The following EVA1A variants were observed in gnomAD, a reference collection of about 807,000 sequenced individuals.
EVA1A encodes the protein protein eva-1 homolog A.
A neutral mutation model predicts 9.8 loss-of-function variants in EVA1A; 7 were observed. The observed-to-expected ratio is 0.71, with a 90% CI of 0.41 to 1.34. EVA1A has a LOEUF of 1.34. EVA1A is among the 40% of genes most tolerant of loss of function. EVA1A has a pLI of 0.01. For synonymous variants in EVA1A, 90 were observed against 85.6 expected (o/e 1.05, Z -0.28); for missense variants, 206 against 205.9 (o/e 1.00, Z 0.00).
At chr2:75,525,363 T>C (rs576658808) in intron 1 of EVA1A, among the ~76,000 whole-genome samples, 1 of 152,318 alleles carries the variant, frequency 6.6e-6, no homozygotes, top group Non-Finnish European at 1.5e-5. Flanking sequence ...TACATCTTCA[T>C]AGGAACTTAT....
intron 1 of EVA1A, among the ~76,000 whole-genome samples, chr2:75,531,216 C>T (rs1220762314): frequency 6.6e-6 from 1 of 152,200 alleles, no homozygotes; most frequent in Non-Finnish European, 1.5e-5. Context: ...CACCTTACTC[C>T]TGCAAGAATA....
At position 75,559,071 on chromosome 2, in the gene EVA1A, T is replaced by C. The variant is rs76880670; in HGVS notation, c.-192+1609A>G. On this transcript the variant is annotated intron_variant, in intron 1 of 3. Transcript: ENST00000393913. ...ATAAAAGGATGAGAGCTGGAAATAA[T>C]GGCACTCTTCATGAAGTGAAACATT... Among the ~76,000 whole-genome samples, 22 of 152,298 alleles carry C rather than the reference T, an allele frequency of 1.4e-4. No individual in the cohort carries two copies. In the East Asian group the frequency reaches 3.7e-3, roughly 25 times the overall value.
intron 1 of EVA1A, among the ~76,000 whole-genome samples, chr2:75,538,557 G>A (rs886324355): frequency 1.3e-5 from 2 of 152,172 alleles, no homozygotes; most frequent in Non-Finnish European, 2.9e-5. Flanking sequence ...TATAGCAGCT[G>A]TATTTGCAAT....
intron 1 of EVA1A, among the ~76,000 whole-genome samples, chr2:75,537,431 C>G (rs1393705588): frequency 6.6e-6 from 1 of 152,168 alleles, no homozygotes; most frequent in Non-Finnish European, 1.5e-5. Context: ...CCTCCCCACT[C>G]TTAAATCAAC....
intron 3 of EVA1A, among the ~76,000 whole-genome samples, chr2:75,496,576 G>A (rs1408998312): frequency 6.6e-6 from 1 of 152,092 alleles, no homozygotes; most frequent in Non-Finnish European, 1.5e-5. Context: ...TGGATTGGAA[G>A]AATCAACATT....
chr2:75,539,695 A>T (rs563337287), intron 1 of EVA1A, among the ~76,000 whole-genome samples: 9 of 152,352 alleles, frequency 5.9e-5, no homozygotes, highest in African/African-American at 2.2e-4. Context: ...ATAACCTTGC[A>T]TACTTACTAA....
chr2:75,527,584 T>C (rs1409828551), intron 1 of EVA1A, among the ~76,000 whole-genome samples: 1 of 152,150 alleles, frequency 6.6e-6, no homozygotes, highest in Admixed American at 6.5e-5. Context: ...CCTAAGATGA[T>C]AGGGATAATA....
At chr2:75,544,403 G>C (rs1676251481) in intron 1 of EVA1A, among the ~76,000 whole-genome samples, 2 of 152,158 alleles carry the variant, frequency 1.3e-5, no homozygotes. Context: ...ATTATTATTA[G>C]TATTATTAGC....
chr2:75,539,202 G>A (rs1328403434), intron 1 of EVA1A, among the ~76,000 whole-genome samples: 1 of 152,086 alleles, frequency 6.6e-6, no homozygotes, highest in Non-Finnish European at 1.5e-5. Flanking sequence ...TTTCTCATGA[G>A]GAACAGCTGA....
intron 1 of EVA1A, among the ~76,000 whole-genome samples, chr2:75,559,447 C>T (rs1400346806): frequency 2.0e-5 from 3 of 152,188 alleles, no homozygotes; most frequent in Non-Finnish European, 4.4e-5. Context: ...AGGGCCCGGG[C>T]TCTTAGCCAC....
At chr2:75,527,816 G>C (rs889941510) in intron 1 of EVA1A, among the ~76,000 whole-genome samples, 2 of 152,148 alleles carry the variant, frequency 1.3e-5, no homozygotes, top group African/African-American at 4.8e-5. Flanking sequence ...TTTGCTCCAA[G>C]AACCACCACA....
intron 1 of EVA1A, among the ~76,000 whole-genome samples, chr2:75,523,716 C>T (rs187380435): frequency 2.0e-5 from 3 of 152,272 alleles, no homozygotes; most frequent in Middle Eastern, 3.4e-3. Context: ...TTGTGAACTC[C>T]GTAAGGGCAG....
intron 1 of EVA1A, among the ~76,000 whole-genome samples, chr2:75,546,639 C>T (rs1025630508): frequency 6.6e-6 from 1 of 152,120 alleles, no homozygotes; most frequent in Admixed American, 6.5e-5. Flanking sequence ...TCAGAGGAAG[C>T]TCCTGAATTC....
intron 3 of EVA1A, among the ~76,000 whole-genome samples, chr2:75,505,123 G>A (rs1216811750): frequency 6.6e-6 from 1 of 152,110 alleles, no homozygotes; most frequent in African/African-American, 2.4e-5. Context: ...AGAACTCAAC[G>A]GACTAGGCAG....
At chr2:75,521,700 C>G (rs1441585011) in intron 2 of EVA1A, among the ~76,000 whole-genome samples, 4 of 152,070 alleles carry the variant, frequency 2.6e-5, no homozygotes, top group Non-Finnish European at 5.9e-5. Context: ...GTACAGGGTA[C>G]AAAGTTTCTG....
chr2:75,564,482 T>C (rs1676989060), upstream of EVA1A, among the ~76,000 whole-genome samples: 1 of 152,222 alleles, frequency 6.6e-6, no homozygotes, highest in Admixed American at 6.5e-5. Context: ...CCCATGGCGC[T>C]GGTGGTCAGA....
intron 1 of EVA1A, among the ~76,000 whole-genome samples, chr2:75,567,993 C>T (rs1179702172): frequency 1.3e-5 from 2 of 152,178 alleles, no homozygotes; most frequent in Non-Finnish European, 1.5e-5. Context: ...ATTAACAATA[C>T]AATACTCTTG....
At chr2:75,563,063 T>G (rs1450996493), upstream of EVA1A, among the ~76,000 whole-genome samples, 1 of 152,212 alleles carries the variant, frequency 6.6e-6, no homozygotes, top group East Asian at 1.9e-4. Flanking sequence ...CTACCACTAC[T>G]AAGAACTGCT....
chr2:75,509,538 T>C (rs896302145), intron 3 of EVA1A, among the ~76,000 whole-genome samples: 4 of 152,202 alleles, frequency 2.6e-5, no homozygotes, highest in East Asian at 3.8e-4. Context: ...GTTTATGTTA[T>C]TGTTAACCAA....
Sources: allele counts gnomAD v4.1 joint callset (sites outside exome capture counted in the v4.1 genomes callset), GRCh38; gene constraint gnomAD v4.1.1; transcripts MANE v1.5; gene names NCBI Gene and HGNC (gene_info 2026-07-23, HGNC 2026-07-21).